Variants in MSI2 observed in about 807,000 individuals in gnomAD.
MSI2 encodes the protein RNA-binding protein Musashi homolog 2.
Under a neutral mutation model 45.6 loss-of-function variants are expected in MSI2, and 17 were observed. The ratio of observed to expected loss-of-function variants is 0.37; its 90% CI spans 0.26 to 0.56. The LOEUF (loss-of-function observed/expected upper bound fraction) is 0.56. Among genes scored for constraint, MSI2 ranks in the 20% least tolerant of loss-of-function variants. The pLI is 0.77. For missense variants in MSI2, 293 were observed against 444.2 expected (o/e 0.66, Z 3.06); for synonymous variants, 156 against 158.2 (o/e 0.99, Z 0.11).
At chr17:57,473,345 C>T (rs578045481) in intron 6 of MSI2, among the ~76,000 whole-genome samples, 3 of 152,160 alleles carry the variant, frequency 2.0e-5, no homozygotes, top group Non-Finnish European at 4.4e-5. Context: ...TCCCCCCACA[C>T]GGATGTATAT....
At chr17:57,366,617 C>T (rs1361577646) in intron 5 of MSI2, among the ~76,000 whole-genome samples, 3 of 152,256 alleles carry the variant, frequency 2.0e-5, no homozygotes, top group African/African-American at 7.2e-5. Context: ...TCTTTGCTCC[C>T]TACGGGTTGT....
At position 57,684,223 on chromosome 17, in the gene MSI2, AAGT is replaced by A. The variant is rs1360578769; in HGVS notation, c.*4709_*4711del. 4.8e-6 allele frequency: 1 copy of A among 209,496 alleles called. No homozygotes were observed. The highest frequency in any genetic ancestry group is 2.3e-5 in the African/African-American group (1 of 43,928). The allele number at this position is 209,496 out of a possible 1,614,324, so 13.0% of individuals were successfully genotyped here. A position where few individuals can be genotyped will look rare whatever the true frequency, so the allele number is the denominator to read the frequency against. On this transcript the variant is annotated 3_prime_UTR_variant, in exon 14 of 14. Coordinates refer to ENST00000284073, the MANE Select transcript of MSI2 (RefSeq NM_138962.4). ...ATGTGGAATCTGTGAGTGTCCTCTT[AAGT>A]AGCGTGGGCTAGCCAATCTGCCGTT...
rs990794817 is a variant in MSI2, at chr17:57,317,041, G to A, written c.312+54849G>A. 2.6e-5 allele frequency among the ~76,000 whole-genome samples: 4 copies of A among 152,240 alleles called. No homozygotes were observed. The East Asian group carries it at 7.7e-4, about 29-fold the overall frequency. On this transcript the variant is annotated intron_variant, in intron 5 of 13. Transcript: ENST00000284073. ...GCTCAAAAGCCATTTGTGGAGGTGG[G>A]CTGTGTTTTCAGAGGCCCTGTCAAT...
At chr17:57,699,038 A>T in the MSI2 span, among the ~76,000 whole-genome samples, 24 of 44,660 alleles carry the variant, frequency 5.4e-4, no homozygotes, top group Middle Eastern at 0.014. Flanking sequence ...AGAGAGAGAG[A>T]GAGAGAGTGT....
intron 6 of MSI2, among the ~76,000 whole-genome samples, chr17:57,427,446 A>G (rs2084514735): frequency 6.6e-6 from 1 of 152,098 alleles, no homozygotes; most frequent in African/African-American, 2.4e-5. Flanking sequence ...ATGTAAAGGC[A>G]GGAATGTGTA....
intron 5 of MSI2, among the ~76,000 whole-genome samples, chr17:57,310,923 G>C (rs1454976147): frequency 6.6e-6 from 1 of 152,166 alleles, no homozygotes; most frequent in East Asian, 1.9e-4. Context: ...TTGGCATATT[G>C]CCTGTTCTTT....
At chr17:57,645,750 A>G in intron 10 of MSI2, among the ~76,000 whole-genome samples, 1 of 152,146 alleles carries the variant, frequency 6.6e-6, no homozygotes, top group Admixed American at 6.5e-5. Context: ...TAAAGGTCCC[A>G]GTGCCGAGGC....
chr17:57,406,064 A>G (rs1409654013), intron 6 of MSI2, among the ~76,000 whole-genome samples: 1 of 152,194 alleles, frequency 6.6e-6, no homozygotes, highest in East Asian at 1.9e-4. Flanking sequence ...CATCTTTCTC[A>G]GAAGGAGCAG....
rs375941872 is a variant in MSI2, at chr17:57,640,536, G to A, written c.728-11563G>A. Among the ~76,000 whole-genome samples, 206 of 152,288 alleles carry A rather than the reference G, an allele frequency of 1.4e-3. 1 individual carries two copies. The highest frequency in any genetic ancestry group is 4.4e-3 in the African/African-American group (182 of 41,554). On this transcript the variant is annotated intron_variant, in intron 10 of 13. Coordinates refer to ENST00000284073, the MANE Select transcript of MSI2 (RefSeq NM_138962.4). The stretch of plus-strand genomic sequence containing the variant: ...CAAGCAACAGATAACCGTGCTGAGC[G>A]CCCAACGCCATCATCTCACTGAATC...
In MSI2 at chr17:57,459,384, C is replaced by T. The variant is rs144417877; in HGVS notation, c.405+57913C>T. Among the ~76,000 whole-genome samples, 506 of 152,228 alleles carry T rather than the reference C, an allele frequency of 3.3e-3. 3 individuals are homozygous for T. The highest frequency in any genetic ancestry group is 0.011 in the African/African-American group (473 of 41,516). ...GGACTTTCTAGAAAAAGGCATCACG[C>T]GGCCTGGAGACAGGAAGGGAGAGAT... On this transcript the variant is annotated intron_variant, in intron 6 of 13. Coordinates refer to ENST00000284073, the MANE Select transcript of MSI2 (RefSeq NM_138962.4).
chr17:57,573,442 A>G (rs1410789642), intron 7 of MSI2, among the ~76,000 whole-genome samples: 1 of 152,180 alleles, frequency 6.6e-6, no homozygotes, highest in East Asian at 1.9e-4. Context: ...TTTTATTGAG[A>G]ATAAGTTCTA....
intron 5 of MSI2, among the ~76,000 whole-genome samples, chr17:57,352,344 T>C (rs757547775): frequency 3.3e-5 from 5 of 152,242 alleles, no homozygotes; most frequent in Non-Finnish European, 7.3e-5. Flanking sequence ...TTCCTATTTA[T>C]TCTTTTGATT....
intron 6 of MSI2, among the ~76,000 whole-genome samples, chr17:57,442,551 C>G (rs2084819780): frequency 6.6e-6 from 1 of 152,130 alleles, no homozygotes; most frequent in Non-Finnish European, 1.5e-5. Context: ...CTCCCCTTCT[C>G]CCGGAAGAAA....
rs983544557 is a variant in MSI2 at position 57,627,152 on chromosome 17, C to T, written c.653-77C>T. The T allele has an allele frequency of 4.7e-6, 6 of 1,285,888 alleles. No homozygotes were observed. Among genetic ancestry groups the T allele is most frequent in the Non-Finnish European group, 6.8e-6 (6 of 882,318 alleles). The allele number at this position is 1,285,888 out of a possible 1,614,324, so 79.7% of individuals were successfully genotyped here. A position where few individuals can be genotyped will look rare whatever the true frequency, so the allele number is the denominator to read the frequency against. Reference sequence around the variant, plus strand: ...AAAATAACTCAGGCTTTCCTCATTGCCACCCTCCGTGAGATTTTACCCCAG... The same window carrying T: ...AAAATAACTCAGGCTTTCCTCATTGTCACCCTCCGTGAGATTTTACCCCAG... On this transcript the variant is annotated intron_variant, in intron 9 of 13. Transcript: ENST00000284073. This position sits in a 1 kb window ranked among gnomAD's most constrained non-coding sequence, Gnocchi z 4.6.
intron 6 of MSI2, among the ~76,000 whole-genome samples, chr17:57,498,416 A>T (rs1465768259): frequency 6.6e-6 from 1 of 152,266 alleles, no homozygotes; most frequent in African/African-American, 2.4e-5. Flanking sequence ...ATTTGCTCCC[A>T]GGAACTGCAG....
intron 7 of MSI2, among the ~76,000 whole-genome samples, chr17:57,540,809 A>G (rs775611477): frequency 2.0e-4 from 30 of 152,210 alleles, no homozygotes; most frequent in Non-Finnish European, 3.2e-4. Flanking sequence ...TTCAAAACTG[A>G]GACAGAATAA....
chr17:57,566,920 T>C (rs2087746931), intron 7 of MSI2, among the ~76,000 whole-genome samples: 1 of 152,130 alleles, frequency 6.6e-6, no homozygotes, highest in Non-Finnish European at 1.5e-5. Flanking sequence ...CAGGATTTAA[T>C]AGAAGGGGCA....
intron 6 of MSI2, among the ~76,000 whole-genome samples, chr17:57,502,094 C>T (rs575546100): frequency 1.3e-5 from 2 of 152,126 alleles, no homozygotes; most frequent in Admixed American, 6.5e-5. Context: ...GGCCCACCAG[C>T]GATGTGGGGC....
intron 7 of MSI2, among the ~76,000 whole-genome samples, chr17:57,581,102 T>G (rs1435949421): frequency 7.4e-6 from 1 of 135,644 alleles, no homozygotes; most frequent in African/African-American, 2.8e-5. Flanking sequence ...AACCTCCACC[T>G]CCCAGGTTCA....
Sources: allele counts gnomAD v4.1 joint callset (sites outside exome capture counted in the v4.1 genomes callset), GRCh38; gene constraint gnomAD v4.1.1; non-coding constraint Gnocchi (gnomAD v3.1); transcripts MANE v1.5; gene names NCBI Gene and HGNC (gene_info 2026-07-23, HGNC 2026-07-21).